TTC23L: variants seen among roughly 807,000 people sequenced by gnomAD.
TTC23L encodes tetratricopeptide repeat domain 23 like, also known as tetratricopeptide repeat protein 23-like.
TTC23L carries 42 observed loss-of-function variants against 48.1 expected under a neutral mutation model. The ratio of observed to expected loss-of-function variants is 0.87; its 90% CI spans 0.68 to 1.13. The LOEUF (loss-of-function observed/expected upper bound fraction) is 1.13. Ranked by LOEUF, TTC23L falls within the 50% of genes most tolerant of loss-of-function variation. TTC23L has a pLI of 0.00. For synonymous variants in TTC23L, 159 were observed against 157.2 expected (o/e 1.01, Z -0.09); for missense variants, 391 against 421.0 (o/e 0.93, Z 0.62).
At chr5:34,898,317 G>T (rs1009059228) in intron 10 of TTC23L, among the ~76,000 whole-genome samples, 1 of 152,064 alleles carries the variant, frequency 6.6e-6, no homozygotes. Context: ...TTAACATCTC[G>T]AAAAAGATAT....
In TTC23L at chr5:34,855,964, G is replaced by A. The variant is rs1323332767; in HGVS notation, c.379+5656G>A. Among the ~76,000 whole-genome samples the A allele has an allele frequency of 2.0e-5, 3 of 152,236 alleles. No homozygotes were observed. In the South Asian group the frequency reaches 6.2e-4, roughly 32 times the overall value. On this transcript the variant is annotated intron_variant, in intron 4 of 10. Coordinates refer to ENST00000505624, the Ensembl canonical transcript of TTC23L. ...TTCTTATAATTTTTAACTTTTCAAC[G>A]ATAGAAATGTGTTACCTATTCAAAA...
intron 9 of TTC23L, 150 bp from the exon 10 acceptor site, chr5:34,896,620 C>T: frequency 1.5e-6 from 1 of 683,724 alleles, no homozygotes; most frequent in Non-Finnish European, 2.7e-6. Context: ...CTTAAGGGGA[C>T]AACATTCTAG....
In TTC23L at chr5:34,862,882, C is replaced by T. The variant is rs964056508; in HGVS notation, c.380-16C>T. 2 of 1,613,296 alleles carry T rather than the reference C, an allele frequency of 1.2e-6. No homozygotes were observed. Among genetic ancestry groups the T allele is most frequent in the Non-Finnish European group, 1.7e-6 (2 of 1,179,556 alleles). ...TAATGTCTGTCTTCTTGCTCCTCAC[C>T]CTCTAACTCCCCCAGGCCTCCCAGT... is the stretch of plus-strand genomic sequence containing the variant. On this transcript the variant is annotated splice_polypyrimidine_tract_variant and intron_variant, in intron 4 of 10. Transcript: ENST00000505624.
rs565543530 is a variant in TTC23L at position 34,866,047 on chromosome 5, A to G, written c.663-845A>G. 5.8e-4 allele frequency among the ~76,000 whole-genome samples: 89 copies of G among 152,210 alleles called. 1 individual carries two copies. Among genetic ancestry groups the G allele is most frequent in the Admixed American group, 3.8e-3 (58 of 15,274 alleles). Reference sequence around the variant, plus strand: ...TTTGAGAAAGCTCATAATTACCAGAACCAGCTTTGAACTACCCATGATCTC... The same window carrying G: ...TTTGAGAAAGCTCATAATTACCAGAGCCAGCTTTGAACTACCCATGATCTC... On this transcript the variant is annotated intron_variant, in intron 6 of 10. Coordinates refer to ENST00000505624, the Ensembl canonical transcript of TTC23L.
chr5:34,860,093 C>T (rs1368904780), intron 4 of TTC23L, among the ~76,000 whole-genome samples: 1 of 151,980 alleles, frequency 6.6e-6, no homozygotes, highest in Non-Finnish European at 1.5e-5. Context: ...GTGATCCGCC[C>T]GCCTCGGCCT....
At chr5:34,885,471 T>C (rs1205317824) in intron 9 of TTC23L, among the ~76,000 whole-genome samples, 2 of 152,172 alleles carry the variant, frequency 1.3e-5, no homozygotes, top group East Asian at 3.8e-4. Context: ...CCATATGCGA[T>C]GGCTCATGCC....
chr5:34,922,123 T>A, the TTC23L span: 7 of 666,336 alleles, frequency 1.1e-5, no homozygotes, highest in East Asian at 2.0e-4. Flanking sequence ...GGTTAGGTAT[T>A]TTTGAGATAA....
chr5:34,873,098 A>G (rs954262579), intron 8 of TTC23L, among the ~76,000 whole-genome samples: 6 of 152,128 alleles, frequency 3.9e-5, no homozygotes, highest in Non-Finnish European at 7.3e-5. Context: ...GGACCGGACT[A>G]TATCTGTAGA....
At chr5:34,859,178 C>T (rs192748855) in intron 4 of TTC23L, among the ~76,000 whole-genome samples, 167 of 152,276 alleles carry the variant, frequency 1.1e-3, no homozygotes, top group African/African-American at 4.0e-3. Flanking sequence ...TTCCTAAGGA[C>T]CCAGGGAACT....
intron 9 of TTC23L, among the ~76,000 whole-genome samples, chr5:34,890,954 A>T (rs1411234869): frequency 1.3e-5 from 2 of 152,178 alleles, no homozygotes; most frequent in Non-Finnish European, 2.9e-5. Flanking sequence ...ACCTAGGTGA[A>T]GTGACTTAAC....
chr5:34,843,927 C>A (rs1758900408), intron 2 of TTC23L, among the ~76,000 whole-genome samples: 1 of 151,966 alleles, frequency 6.6e-6, no homozygotes, highest in Non-Finnish European at 1.5e-5. Flanking sequence ...TGCCAGCAGG[C>A]AAAGAAGACT....
At chr5:34,916,866 G>C in the TTC23L span, 1 of 152,166 alleles carries the variant, frequency 6.6e-6, no homozygotes, top group African/African-American at 2.4e-5. Flanking sequence ...CTGCAGATTG[G>C]GGGGCAGGGG....
Position 34,863,016 on chromosome 5 carries a change from G to C in TTC23L, c.498G>C (p.Leu166=). 1 of 1,613,998 alleles carries C rather than the reference G, an allele frequency of 6.2e-7. No individual in the cohort carries two copies. The highest frequency in any genetic ancestry group is 8.5e-7 in the Non-Finnish European group (1 of 1,179,888). The change falls in exon 5 of 11, where the codon CTG becomes CTC. Residue 166 remains leucine (L), a synonymous_variant. Transcript: ENST00000505624. This position sits in a 1 kb window ranked among gnomAD's most constrained non-coding sequence, Gnocchi z 4.1. ...AAATCCTGGAAGCTCTGGTCAAGCT[G>C]TACTACACTCTGGGCGTGGCCTGGC...
the TTC23L span, chr5:34,923,301 C>CTCTGTCTCAA: frequency 2.4e-6 from 3 of 1,269,892 alleles, no homozygotes; most frequent in Non-Finnish European, 3.4e-6. Context: ...TGTTTTGAGA[C>CTCTGTCTCAA]AGAGTCTCGC....
intron 8 of TTC23L, among the ~76,000 whole-genome samples, chr5:34,874,750 A>T (rs955495675): frequency 3.9e-5 from 6 of 152,090 alleles, no homozygotes; most frequent in Admixed American, 3.9e-4. Context: ...AATAAAATTT[A>T]AAAAGCAAAA....
intron 1 of TTC23L, 89 bp from the exon 2 acceptor site, chr5:34,840,576 A>C (rs993452570): frequency 9.2e-7 from 1 of 1,086,592 alleles, no homozygotes; most frequent in African/African-American, 1.6e-5. Context: ...GAGCAGTTTT[A>C]GTTTAATGTT....
At chr5:34,839,761 GTTTGA>G in intron 1 of TTC23L, 2 of 617,176 alleles carry the variant, frequency 3.2e-6, no homozygotes, top group Non-Finnish European at 4.1e-6. Flanking sequence ...TTCGATTTGG[GTTTGA>G]TTTAAGCGAC....
chr5:34,878,836 T>C (rs1361181208), intron 8 of TTC23L, among the ~76,000 whole-genome samples: 1 of 152,192 alleles, frequency 6.6e-6, no homozygotes, highest in African/African-American at 2.4e-5. Flanking sequence ...GGAATCCCAC[T>C]ATTAGGCATC....
intron 9 of TTC23L, among the ~76,000 whole-genome samples, chr5:34,891,235 A>G (rs1348834873): frequency 1.3e-5 from 2 of 152,238 alleles, no homozygotes; most frequent in South Asian, 4.1e-4. Flanking sequence ...TATTAAGAGT[A>G]ATAGGTACAG....
Sources: allele counts gnomAD v4.1 joint callset (sites outside exome capture counted in the v4.1 genomes callset), GRCh38; gene constraint gnomAD v4.1.1; non-coding constraint Gnocchi (gnomAD v3.1); transcripts MANE v1.5; gene names NCBI Gene and HGNC (gene_info 2026-07-23, HGNC 2026-07-21).